The following KCTD8 variants were observed in gnomAD, a reference collection of about 807,000 sequenced individuals.
The protein encoded by KCTD8 is potassium channel tetramerization domain containing 8.
A neutral mutation model predicts 31.5 loss-of-function variants in KCTD8; 27 were observed. The observed-to-expected ratio is 0.86, with a 90% CI of 0.63 to 1.18. KCTD8 has a LOEUF of 1.18. Ranked by LOEUF, KCTD8 falls within the 50% of genes most tolerant of loss-of-function variation. The pLI is 0.00. For missense variants in KCTD8, 658 were observed against 647.7 expected (o/e 1.02, Z -0.17); for synonymous variants, 290 against 280.0 (o/e 1.04, Z -0.36).
At chr4:44,240,456 T>C (rs1715424230) in intron 1 of KCTD8, among the ~76,000 whole-genome samples, 1 of 152,198 alleles carries the variant, frequency 6.6e-6, no homozygotes, top group Non-Finnish European at 1.5e-5. Flanking sequence ...CATCTTTAAT[T>C]CCACCCATGA....
At position 44,358,571 on chromosome 4, in the gene KCTD8, T is replaced by TA. The variant is rs1190624348; in HGVS notation, c.961+88991_961+88992insT. Among the ~76,000 whole-genome samples the TA allele has an allele frequency of 2.0e-5, 3 of 151,828 alleles. No homozygotes were observed. In the East Asian group the frequency reaches 5.8e-4, roughly 30 times the overall value. ...TCCAGATCTGTTGTTTCCTGACTTT[T>TA]TTTTTTTTCTTTTTTGAGATGGAGT... On this transcript the variant is annotated intron_variant, in intron 1 of 1. Transcript: ENST00000360029.
At chr4:44,244,214 C>T (rs888052371) in intron 1 of KCTD8, among the ~76,000 whole-genome samples, 1 of 152,184 alleles carries the variant, frequency 6.6e-6, no homozygotes, top group South Asian at 2.1e-4. Flanking sequence ...CTTCAGTACC[C>T]TAAACAGGTT....
At chr4:44,338,856 T>C (rs544829117) in intron 1 of KCTD8, among the ~76,000 whole-genome samples, 2 of 152,268 alleles carry the variant, frequency 1.3e-5, no homozygotes, top group Non-Finnish European at 2.9e-5. Flanking sequence ...AGAAAAATAA[T>C]CTGCGATTTT....
At chr4:44,378,228 T>C (rs990560502) in intron 1 of KCTD8, among the ~76,000 whole-genome samples, 11 of 125,128 alleles carry the variant, frequency 8.8e-5, no homozygotes, top group Admixed American at 5.0e-4. Flanking sequence ...ATTTTATATA[T>C]ATATGTATAA....
chr4:44,323,695 G>A (rs1718365299), intron 1 of KCTD8, among the ~76,000 whole-genome samples: 3 of 151,612 alleles, frequency 2.0e-5, no homozygotes, highest in Non-Finnish European at 4.4e-5. Context: ...AATTACTTTT[G>A]TACCAACCTA....
At chr4:44,196,889 G>A (rs1428534057) in intron 1 of KCTD8, among the ~76,000 whole-genome samples, 2 of 152,190 alleles carry the variant, frequency 1.3e-5, no homozygotes, top group East Asian at 3.9e-4. Context: ...AGTATCTGCT[G>A]CCATAACACC....
chr4:44,300,387 T>C (rs1384755045), intron 1 of KCTD8, among the ~76,000 whole-genome samples: 1 of 152,188 alleles, frequency 6.6e-6, no homozygotes, highest in East Asian at 1.9e-4. Context: ...GTTTTCTGTA[T>C]TGCCATCTCT....
chr4:44,211,452 T>C (rs1330069045), intron 1 of KCTD8, among the ~76,000 whole-genome samples: 2 of 152,230 alleles, frequency 1.3e-5, no homozygotes, highest in Admixed American at 1.3e-4. Flanking sequence ...CATTAGTCTT[T>C]CTCAATTCAA....
chr4:44,290,736 C>T (rs76773030), intron 1 of KCTD8, among the ~76,000 whole-genome samples: 2,348 of 151,742 alleles, frequency 0.015, 54 homozygotes, highest in African/African-American at 0.052. Context: ...AAATTAAAGC[C>T]GAGATTAAAA....
chr4:44,324,122 C>G (rs1336677811), intron 1 of KCTD8, among the ~76,000 whole-genome samples: 2 of 145,576 alleles, frequency 1.4e-5, no homozygotes, highest in Non-Finnish European at 3.0e-5. Context: ...CCAGAGAGTA[C>G]AGAGTTAGAG....
At position 44,420,657 on chromosome 4, in the gene KCTD8, T is replaced by A. The variant is rs144162554; in HGVS notation, c.961+26906A>T. Among the ~76,000 whole-genome samples, 595 of 152,244 alleles carry A rather than the reference T, an allele frequency of 3.9e-3. 4 individuals are homozygous for A. The highest frequency in any genetic ancestry group is 0.014 in the African/African-American group (568 of 41,560). On this transcript the variant is annotated intron_variant, in intron 1 of 1. Transcript: ENST00000360029. ...GAGTGACGTCCCTAGGAGCTGCAAA[T>A]ACAGGGGAATTTTACACCTTCTCCC...
intron 1 of KCTD8, among the ~76,000 whole-genome samples, chr4:44,377,862 T>C (rs1482156398): frequency 6.6e-6 from 1 of 152,118 alleles, no homozygotes; most frequent in Non-Finnish European, 1.5e-5. Context: ...TCCCCACTCT[T>C]GTGAAGCTTT....
At chr4:44,442,417 T>A (rs946486591) in intron 1 of KCTD8, among the ~76,000 whole-genome samples, 1 of 151,988 alleles carries the variant, frequency 6.6e-6, no homozygotes, top group African/African-American at 2.4e-5. Context: ...TGAAACCCCA[T>A]CTCTACTAAA....
At chr4:44,288,576 A>G (rs1717170966) in intron 1 of KCTD8, among the ~76,000 whole-genome samples, 1 of 152,108 alleles carries the variant, frequency 6.6e-6, no homozygotes, top group South Asian at 2.1e-4. Flanking sequence ...GAAACAATCA[A>G]AAACATTGGA....
intron 1 of KCTD8, among the ~76,000 whole-genome samples, chr4:44,233,505 C>T (rs990294406): frequency 6.6e-6 from 1 of 152,092 alleles, no homozygotes; most frequent in African/African-American, 2.4e-5. Flanking sequence ...ATCTGTCAAT[C>T]CCTGACTTCA....
chr4:44,340,052 G>T (rs979883088), intron 1 of KCTD8, among the ~76,000 whole-genome samples: 2 of 151,948 alleles, frequency 1.3e-5, no homozygotes, highest in Non-Finnish European at 2.9e-5. Context: ...AGTCACCAGG[G>T]AAATACAAAA....
intron 1 of KCTD8, among the ~76,000 whole-genome samples, chr4:44,179,612 G>A (rs1023496105): frequency 1.3e-5 from 2 of 151,232 alleles, no homozygotes; most frequent in Non-Finnish European, 2.9e-5. Context: ...AGACCAAACA[G>A]ATTCGGAGGT....
At chr4:44,238,954 A>C (rs534105477) in intron 1 of KCTD8, among the ~76,000 whole-genome samples, 8 of 152,216 alleles carry the variant, frequency 5.3e-5, no homozygotes, top group Non-Finnish European at 1.0e-4. Context: ...AAATCATAAG[A>C]TGCTGGAAGT....
chr4:44,185,097 C>A (rs1416600548), intron 1 of KCTD8, among the ~76,000 whole-genome samples: 1 of 152,152 alleles, frequency 6.6e-6, no homozygotes, highest in Admixed American at 6.5e-5. Flanking sequence ...GAAGAGGTTT[C>A]CAAAAATAAT....
Sources: gnomAD v4.1 joint callset for allele counts (sites outside exome capture counted in the v4.1 genomes callset) on GRCh38, gnomAD v4.1.1 for gene constraint, MANE v1.5 for transcripts, NCBI Gene and HGNC (gene_info 2026-07-23, HGNC 2026-07-21) for gene names.